Variants in LAMC1 observed in about 807,000 individuals in gnomAD.
The protein encoded by LAMC1 is laminin subunit gamma-1.
In LAMC1, 38 loss-of-function variants were observed where a neutral mutation model predicts 173.6. The ratio of observed to expected loss-of-function variants is 0.22; its 90% CI spans 0.17 to 0.29. The LOEUF (loss-of-function observed/expected upper bound fraction) is 0.29. LAMC1 is among the 10% of genes least tolerant of loss of function. LAMC1 has a pLI of 1.00. For synonymous variants in LAMC1, 746 were observed against 749.1 expected, an observed-to-expected ratio of 1.00 and a Z score of 0.07; for missense variants, 1,824 against 2,051.8, an observed-to-expected ratio of 0.89 and a Z score of 2.14.
At position 183,127,214 on chromosome 1, in the gene LAMC1, C is replaced by T; in HGVS notation, c.2945-12C>T. Reference sequence around the variant, plus strand: ...TTTGCTAATTATGTATTATTTTCTCCTTATTCTGCAGCCTGTGACTGTCAT... The same window carrying T: ...TTTGCTAATTATGTATTATTTTCTCTTTATTCTGCAGCCTGTGACTGTCAT... On this transcript the variant is annotated splice_polypyrimidine_tract_variant and intron_variant, in intron 16 of 27. Transcript: ENST00000258341. 1.9e-6 allele frequency: 3 copies of T among 1,612,314 alleles called. No individual in the cohort carries two copies. Among genetic ancestry groups the T allele is most frequent in the Non-Finnish European group, 2.5e-6 (3 of 1,179,132 alleles).
At chr1:183,051,073 T>G (rs1431227903) in intron 1 of LAMC1, among the ~76,000 whole-genome samples, 1 of 152,162 alleles carries the variant, frequency 6.6e-6, no homozygotes, top group African/African-American at 2.4e-5. Context: ...TTTTCAATAT[T>G]CAATAGTTAA....
intron 1 of LAMC1, among the ~76,000 whole-genome samples, chr1:183,096,230 T>G (rs1007129708): frequency 4.9e-4 from 74 of 152,338 alleles, no homozygotes; most frequent in African/African-American, 1.3e-3. Flanking sequence ...AACTTTATTT[T>G]GATACTTCAT....
chr1:183,128,731 T>C lies in LAMC1; in HGVS notation c.3261T>C (p.Arg1087=). Residue 1087 remains arginine (R), a synonymous_variant, in exon 18 of 28, where the codon CGT becomes CGC. Coordinates refer to ENST00000258341, the MANE Select transcript of LAMC1 (RefSeq NM_002293.4). ...EAEREVMDLL[R]EAQDVKDVDQ... is the part of the protein sequence containing the mutation. ...AGAGGGAAGTTATGGACCTCCTTCG[T>C]GAGGCCCAGGATGTCAAAGGTACGC... The C allele has an allele frequency of 6.2e-7, 1 of 1,613,216 alleles. No individual in the cohort carries two copies. The highest frequency in any genetic ancestry group is 2.2e-5 in the East Asian group (1 of 44,850).
chr1:183,024,217 A>G, intron 1 of LAMC1, 83 bp downstream of exon 1: 1 of 1,325,504 alleles, frequency 7.5e-7, no homozygotes, highest in South Asian at 1.5e-5. Flanking sequence ...GGCCGGCCTC[A>G]CGGGCGCAGA....
chr1:183,105,832 T>G (rs1179409514), intron 2 of LAMC1, among the ~76,000 whole-genome samples: 1 of 152,194 alleles, frequency 6.6e-6, no homozygotes, highest in Non-Finnish European at 1.5e-5. Context: ...CATTGCTCCC[T>G]AAACCTCCCT....
chr1:183,071,969 T>C (rs572637764), intron 1 of LAMC1, among the ~76,000 whole-genome samples: 3 of 152,358 alleles, frequency 2.0e-5, no homozygotes, highest in African/African-American at 4.8e-5. Context: ...TGTTATGTTA[T>C]AGAAATACAA....
At chr1:183,115,497 A>G (rs748367980) in intron 5 of LAMC1, 23 bp from the exon 6 acceptor site, 1 of 1,544,262 alleles carries the variant, frequency 6.5e-7, no homozygotes, top group East Asian at 2.2e-5. Flanking sequence ...TTTTTGTTTG[A>G]CAATAGGCAT....
Position 183,130,243 on chromosome 1 carries a change from G to C in LAMC1, c.3281-101G>C, listed in dbSNP as rs1323010138. On this transcript the variant is annotated intron_variant, in intron 18 of 27. Coordinates refer to ENST00000258341, the MANE Select transcript of LAMC1 (RefSeq NM_002293.4). ...TTGTGGAAACCTGGCAGAAAGTTGC[G>C]ATGTTTAGAAGAGTAGAGATACATA... The C allele has an allele frequency of 2.9e-6, 3 of 1,027,650 alleles. No homozygotes were observed. The African/African-American group carries it at 4.8e-5, about 16-fold the overall frequency. The allele number at this position is 1,027,650 out of a possible 1,614,324, so 63.7% of individuals were successfully genotyped here. A position where few individuals can be genotyped will look rare whatever the true frequency, so the allele number is the denominator to read the frequency against.
chr1:183,122,476 T>C (rs1216791444), intron 13 of LAMC1, among the ~76,000 whole-genome samples: 1 of 152,230 alleles, frequency 6.6e-6, no homozygotes, highest in East Asian at 1.9e-4. Context: ...GTCACCTTGA[T>C]CTACCGTCTC....
chr1:183,129,111 A>G (rs1337292624), intron 18 of LAMC1, among the ~76,000 whole-genome samples: 1 of 124,542 alleles, frequency 8.0e-6, no homozygotes, highest in Non-Finnish European at 1.6e-5. Flanking sequence ...TTTTTGAGCC[A>G]CAATCACTCT....
At chr1:183,077,286 G>C (rs11802663) in intron 1 of LAMC1, among the ~76,000 whole-genome samples, 1 of 152,070 alleles carries the variant, frequency 6.6e-6, no homozygotes, top group African/African-American at 2.4e-5. Flanking sequence ...CCTGTTAGTC[G>C]TTTTGGAGAG....
In LAMC1 at chr1:183,143,773, C is replaced by T. The variant is rs1657182057; in HGVS notation, c.*983C>T. The T allele has an allele frequency of 6.6e-6, 1 of 152,164 alleles. No individual in the cohort carries two copies. Among genetic ancestry groups the T allele is most frequent in the African/African-American group, 2.4e-5 (1 of 41,438 alleles). 9.4% of individuals were successfully genotyped at this position (152,164 alleles called of 1,614,324 possible). On this transcript the variant is annotated 3_prime_UTR_variant, in exon 28 of 28. Transcript: ENST00000258341. The stretch of plus-strand genomic sequence containing the variant: ...ACAAGCCTCCTCGTCCTAGTCTTTT[C>T]TAGCAAAGGGATAAAACTTAGATGG...
intron 1 of LAMC1, among the ~76,000 whole-genome samples, chr1:183,055,397 G>A (rs1453904245): frequency 6.6e-6 from 1 of 151,922 alleles, no homozygotes; most frequent in Non-Finnish European, 1.5e-5. Flanking sequence ...CCTGCTTAGG[G>A]TGACTAATTT....
intron 1 of LAMC1, among the ~76,000 whole-genome samples, chr1:183,069,350 C>T (rs912356898): frequency 6.6e-6 from 1 of 151,990 alleles, no homozygotes; most frequent in Non-Finnish European, 1.5e-5. Flanking sequence ...TATGTAAAAC[C>T]TAGAGAAATG....
chr1:183,091,181 C>G (rs186179061), intron 1 of LAMC1, among the ~76,000 whole-genome samples: 69 of 151,928 alleles, frequency 4.5e-4, no homozygotes, highest in African/African-American at 1.6e-3. Context: ...AACAGTATGC[C>G]CTGCAGAAGA....
chr1:183,121,872 A>G lies in LAMC1; in HGVS notation c.2140A>G (p.Asn714Asp), dbSNP rs1349032791. The change falls in exon 12 of 28, where the codon AAT (asparagine) becomes GAT (aspartate). Residue 714 changes from asparagine (N) to aspartate (D), a missense_variant. Coordinates refer to ENST00000258341, the MANE Select transcript of LAMC1 (RefSeq NM_002293.4). ...CTCAGGTTACAGAAGAGAAACTCCTAATCTTGGACCATACAGTCCATGTGT... is the reference window on the plus strand; with the variant it reads ...CTCAGGTTACAGAAGAGAAACTCCTGATCTTGGACCATACAGTCCATGTGT... The part of the protein sequence containing the change: ...CLSGYRRETP[N>D]LGPYSPCVLC... 5 of 1,614,202 alleles carry G rather than the reference A, an allele frequency of 3.1e-6. No individual in the cohort carries two copies. Among genetic ancestry groups the G allele is most frequent in the Non-Finnish European group, 3.4e-6 (4 of 1,180,028 alleles).
chr1:183,129,878 A>C (rs1013998768), intron 18 of LAMC1, among the ~76,000 whole-genome samples: 3 of 152,226 alleles, frequency 2.0e-5, no homozygotes, highest in African/African-American at 4.8e-5. Context: ...TTAAAATACA[A>C]AATGAGTTTA....
intron 17 of LAMC1, among the ~76,000 whole-genome samples, chr1:183,127,785 G>A (rs1656661557): frequency 6.6e-6 from 1 of 152,164 alleles, no homozygotes; most frequent in African/African-American, 2.4e-5. Context: ...GGAGCCTGCT[G>A]AGTGCAGAGG....
chr1:183,134,416 T>C (rs3768616), intron 22 of LAMC1, among the ~76,000 whole-genome samples: 83,135 of 152,000 alleles, frequency 0.55, 22,981 homozygotes, highest in South Asian at 0.65. Context: ...AAATCTGTAT[T>C]TTGATTGGGG....
Sources: allele counts gnomAD v4.1 joint callset (sites outside exome capture counted in the v4.1 genomes callset), GRCh38; gene constraint gnomAD v4.1.1; transcripts MANE v1.5; gene names NCBI Gene and HGNC (gene_info 2026-07-23, HGNC 2026-07-21).